ARHGEF3: variants seen among roughly 807,000 people sequenced by gnomAD.
ARHGEF3 encodes Rho guanine nucleotide exchange factor 3, also known as 59.8 kDA protein.
Under a neutral mutation model 63.2 loss-of-function variants are expected in ARHGEF3, and 28 were observed. The ratio of observed to expected loss-of-function variants is 0.44; its 90% CI spans 0.33 to 0.61. The LOEUF is 0.61. Ranked by LOEUF, ARHGEF3 falls within the 20% of genes least tolerant of loss-of-function variation. ARHGEF3 has a pLI of 0.03. For missense variants in ARHGEF3, 533 were observed against 659.3 expected (o/e 0.81, Z 2.10); for synonymous variants, 266 against 254.2 (o/e 1.05, Z -0.44).
chr3:56,976,434 C>T (rs1037018363), intron 2 of ARHGEF3, among the ~76,000 whole-genome samples: 4 of 152,188 alleles, frequency 2.6e-5, no homozygotes, highest in African/African-American at 7.2e-5. Flanking sequence ...ACAGGTACTC[C>T]GTAAGGGCTT....
At chr3:57,018,733 A>C (rs1355689943) in intron 2 of ARHGEF3, among the ~76,000 whole-genome samples, 2 of 152,194 alleles carry the variant, frequency 1.3e-5, no homozygotes, top group Admixed American at 1.3e-4. Flanking sequence ...TTTCCCATTT[A>C]AAGACAGTAT....
chr3:57,002,500 A>ATATATGT (rs1553802548), intron 2 of ARHGEF3, among the ~76,000 whole-genome samples: 2 of 60,124 alleles, frequency 3.3e-5, no homozygotes, highest in African/African-American at 1.3e-4. Flanking sequence ...TATATATGTT[A>ATATATGT]TATATATATA....
intron 1 of ARHGEF3, among the ~76,000 whole-genome samples, chr3:56,781,544 C>A (rs2036568865): frequency 6.6e-6 from 1 of 152,140 alleles, no homozygotes; most frequent in South Asian, 2.1e-4. Flanking sequence ...CCACACCCGG[C>A]CTCTGCTGAC....
chr3:56,769,835 G>A (rs1483244589), intron 2 of ARHGEF3, among the ~76,000 whole-genome samples: 1 of 152,206 alleles, frequency 6.6e-6, no homozygotes, highest in Non-Finnish European at 1.5e-5. Context: ...TCTCTAAGGT[G>A]TCAGAAGCCA....
intron 3 of ARHGEF3, among the ~76,000 whole-genome samples, chr3:56,944,417 C>T (rs536538769): frequency 7.9e-5 from 12 of 152,094 alleles, no homozygotes; most frequent in South Asian, 2.1e-4. Context: ...TTAAGACTTC[C>T]GTGTTGGAAG....
At chr3:56,918,549 A>G (rs1013104289) in intron 3 of ARHGEF3, among the ~76,000 whole-genome samples, 8 of 138,140 alleles carry the variant, frequency 5.8e-5, no homozygotes, top group Admixed American at 1.5e-4. Context: ...GGGCCAACAG[A>G]TGCCCTGGCA....
Position 56,854,451 on chromosome 3 carries a change from A to G in ARHGEF3, c.192+27841T>C, listed in dbSNP as rs114777753. 4.5e-3 allele frequency among the ~76,000 whole-genome samples: 688 copies of G among 152,226 alleles called. 2 individuals are homozygous for G. Among genetic ancestry groups the G allele is most frequent in the African/African-American group, 0.016 (646 of 41,542 alleles). ...AGGAAACAGGGAGAAGCAGCAAAGGATGTAAAGTGGTGAAGCGGGAACCCA... is the reference window on the plus strand; with the variant it reads ...AGGAAACAGGGAGAAGCAGCAAAGGGTGTAAAGTGGTGAAGCGGGAACCCA... On this transcript the variant is annotated intron_variant, in intron 4 of 12. Transcript: ENST00000338458.
At chr3:56,796,995 T>C (rs2037402191) in intron 1 of ARHGEF3, among the ~76,000 whole-genome samples, 1 of 152,182 alleles carries the variant, frequency 6.6e-6, no homozygotes, top group Non-Finnish European at 1.5e-5. Flanking sequence ...GAATCTTTTT[T>C]TTTGAAATGT....
At chr3:56,794,749 C>G (rs1455024041) in intron 1 of ARHGEF3, among the ~76,000 whole-genome samples, 1 of 152,156 alleles carries the variant, frequency 6.6e-6, no homozygotes, top group East Asian at 1.9e-4. Context: ...TTGTAGATTA[C>G]TTAGAATATC....
chr3:57,002,864 C>G (rs1702312960), intron 2 of ARHGEF3, among the ~76,000 whole-genome samples: 1 of 150,768 alleles, frequency 6.6e-6, no homozygotes, highest in Non-Finnish European at 1.5e-5. Flanking sequence ...ACCTCCACCT[C>G]CCGGGTTCAA....
At chr3:56,804,518 G>A (rs1392927069), upstream of ARHGEF3, among the ~76,000 whole-genome samples, 1 of 152,102 alleles carries the variant, frequency 6.6e-6, no homozygotes, top group African/African-American at 2.4e-5. Flanking sequence ...ACTGCCTTTG[G>A]AGGCAGAAAG....
At chr3:56,999,852 A>G (rs1702120878) in intron 2 of ARHGEF3, among the ~76,000 whole-genome samples, 1 of 152,244 alleles carries the variant, frequency 6.6e-6, no homozygotes, top group African/African-American at 2.4e-5. Flanking sequence ...ACTAAAAATA[A>G]GAGATCTTTA....
intron 3 of ARHGEF3, among the ~76,000 whole-genome samples, chr3:56,883,009 A>G (rs2108261332): frequency 6.6e-6 from 1 of 152,326 alleles, no homozygotes; most frequent in East Asian, 1.9e-4. Flanking sequence ...ACTAACTTGG[A>G]AGAGGAGATT....
chr3:56,957,013 G>A (rs957272084), intron 3 of ARHGEF3, among the ~76,000 whole-genome samples: 2 of 152,130 alleles, frequency 1.3e-5, no homozygotes, highest in African/African-American at 4.8e-5. Flanking sequence ...CTGCAGTAGC[G>A]AGCATATTTA....
At chr3:56,990,028 A>ACCCAGCTTCGCTACCCAGCTT (rs1560111578) in intron 2 of ARHGEF3, among the ~76,000 whole-genome samples, 3 of 152,196 alleles carry the variant, frequency 2.0e-5, no homozygotes, top group African/African-American at 4.8e-5. Context: ...CAATGACGCT[A>ACCCAGCTTCGCTACCCAGCTT]CCCAGCTTCG....
chr3:56,815,620 T>G (rs2038241723), intron 4 of ARHGEF3, among the ~76,000 whole-genome samples: 1 of 152,154 alleles, frequency 6.6e-6, no homozygotes, highest in South Asian at 2.1e-4. Context: ...GAGAAAAGAA[T>G]TACTGAGGGA....
intron 2 of ARHGEF3, among the ~76,000 whole-genome samples, chr3:56,761,271 C>T (rs1199692066): frequency 2.0e-5 from 3 of 152,098 alleles, no homozygotes; most frequent in Non-Finnish European, 4.4e-5. Context: ...CCCCTGAACC[C>T]ATCATCAGTA....
chr3:56,842,655 A>C (rs76816568), intron 4 of ARHGEF3, among the ~76,000 whole-genome samples: 15 of 152,286 alleles, frequency 9.8e-5, no homozygotes, highest in African/African-American at 3.6e-4. Context: ...TACCTAAGCT[A>C]AGACAAAATG....
intron 1 of ARHGEF3, among the ~76,000 whole-genome samples, chr3:57,058,420 T>C (rs1579185723): frequency 6.6e-6 from 1 of 152,236 alleles, no homozygotes. Context: ...GTTTGTTTCA[T>C]GTCACCTGCC....
Sources: gnomAD v4.1 joint callset for allele counts (sites outside exome capture counted in the v4.1 genomes callset) on GRCh38, gnomAD v4.1.1 for gene constraint, MANE v1.5 for transcripts, NCBI Gene and HGNC (gene_info 2026-07-23, HGNC 2026-07-21) for gene names.